The following SKAP1 variants were observed in gnomAD, a reference collection of about 807,000 sequenced individuals.
SKAP1 encodes the protein src kinase-associated phosphoprotein 1.
SKAP1 carries 44 observed loss-of-function variants against 58.5 expected under a neutral mutation model. The observed-to-expected ratio is 0.75, with a 90% CI of 0.59 to 0.97. The LOEUF (loss-of-function observed/expected upper bound fraction) is 0.97. Ranked by LOEUF, SKAP1 falls within the 50% of genes least tolerant of loss-of-function variation. SKAP1 has a pLI of 0.00. For missense variants in SKAP1, 390 were observed against 435.2 expected (o/e 0.90, Z 0.92); for synonymous variants, 127 against 149.7 (o/e 0.85, Z 1.11).
chr17:48,322,458 T>C (rs1160567392), intron 4 of SKAP1, among the ~76,000 whole-genome samples: 1 of 152,200 alleles, frequency 6.6e-6, no homozygotes, highest in Non-Finnish European at 1.5e-5. Context: ...ACTCAAGGTA[T>C]AACGGAAAGA....
At chr17:48,415,923 C>T (rs189325406) in intron 1 of SKAP1, among the ~76,000 whole-genome samples, 4 of 152,276 alleles carry the variant, frequency 2.6e-5, no homozygotes, top group African/African-American at 7.2e-5. Flanking sequence ...GGGAGATATT[C>T]AGCAGAGAAG....
chr17:48,188,856 T>G (rs1261644040), intron 5 of SKAP1, among the ~76,000 whole-genome samples: 1 of 152,012 alleles, frequency 6.6e-6, no homozygotes, highest in Non-Finnish European at 1.5e-5. Context: ...AAAAATTAGC[T>G]GGGCATGGTG....
At chr17:48,227,507 A>G (rs1186860332) in intron 4 of SKAP1, among the ~76,000 whole-genome samples, 1 of 152,226 alleles carries the variant, frequency 6.6e-6, no homozygotes, top group Non-Finnish European at 1.5e-5. Flanking sequence ...TTTATGCATC[A>G]TCATAGCCAC....
chr17:48,284,175 G>A (rs2065801946), intron 4 of SKAP1, among the ~76,000 whole-genome samples: 1 of 152,078 alleles, frequency 6.6e-6, no homozygotes, highest in Non-Finnish European at 1.5e-5. Context: ...TCCATTTATG[G>A]CAAACATTTG....
intron 4 of SKAP1, among the ~76,000 whole-genome samples, chr17:48,201,692 C>T (rs958038419): frequency 1.9e-4 from 29 of 152,146 alleles, no homozygotes; most frequent in African/African-American, 5.6e-4. Context: ...TGAACTACCA[C>T]GCCTGGCCAA....
intron 9 of SKAP1, among the ~76,000 whole-genome samples, chr17:48,179,461 A>G (rs2064338124): frequency 6.6e-6 from 1 of 152,202 alleles, no homozygotes. Flanking sequence ...AAGAAAGGAA[A>G]TATATTGAGT....
At chr17:48,209,177 A>T (rs895220869) in intron 4 of SKAP1, among the ~76,000 whole-genome samples, 26 of 152,220 alleles carry the variant, frequency 1.7e-4, no homozygotes, top group African/African-American at 6.3e-4. Context: ...GTCTGTCTAC[A>T]TCTCAGTCTT....
At chr17:48,135,349 A>G (rs2063685325) in intron 12 of SKAP1, among the ~76,000 whole-genome samples, 1 of 152,194 alleles carries the variant, frequency 6.6e-6, no homozygotes, top group African/African-American at 2.4e-5. Flanking sequence ...GGGGCCCTCC[A>G]TCAGAATCTT....
intron 4 of SKAP1, among the ~76,000 whole-genome samples, chr17:48,283,685 GC>G (rs1288189642): frequency 6.6e-6 from 1 of 152,188 alleles, no homozygotes; most frequent in African/African-American, 2.4e-5. Flanking sequence ...TCTGAAGTGA[GC>G]GACGGCTGGA....
chr17:48,228,932 G>A (rs747981948), intron 4 of SKAP1, among the ~76,000 whole-genome samples: 2 of 152,126 alleles, frequency 1.3e-5, no homozygotes, highest in Non-Finnish European at 2.9e-5. Context: ...ACAGGCAGGT[G>A]GGGTAAGAGC....
At chr17:48,415,163 CCAAT>C (rs997461506) in intron 1 of SKAP1, among the ~76,000 whole-genome samples, 5 of 152,164 alleles carry the variant, frequency 3.3e-5, no homozygotes, top group African/African-American at 4.8e-5. Context: ...CGACCAAATA[CCAAT>C]CAAAGTGTTC....
intron 4 of SKAP1, among the ~76,000 whole-genome samples, chr17:48,291,802 G>A (rs2065900957): frequency 6.6e-6 from 1 of 152,166 alleles, no homozygotes; most frequent in Admixed American, 6.5e-5. Context: ...TTATTTATGT[G>A]AATGTCACTG....
intron 4 of SKAP1, among the ~76,000 whole-genome samples, chr17:48,286,830 G>A (rs1481570765): frequency 6.6e-6 from 1 of 152,140 alleles, no homozygotes; most frequent in African/African-American, 2.4e-5. Flanking sequence ...TGGGCGCGGT[G>A]GCTCATGCCT....
chr17:48,347,723 G>A (rs1164451668), intron 3 of SKAP1, among the ~76,000 whole-genome samples: 1 of 152,154 alleles, frequency 6.6e-6, no homozygotes, highest in South Asian at 2.1e-4. Context: ...GCATCACTGT[G>A]TAATTTCCAT....
intron 6 of SKAP1, 38 bp downstream of exon 6, chr17:48,187,805 A>T: frequency 7.1e-7 from 1 of 1,417,406 alleles, no homozygotes; most frequent in Non-Finnish European, 1.0e-6. Context: ...GTTTGCATCC[A>T]GGAGTGAGAT....
At chr17:48,229,249 A>G (rs1466128630) in intron 4 of SKAP1, among the ~76,000 whole-genome samples, 1 of 152,186 alleles carries the variant, frequency 6.6e-6, no homozygotes, top group Non-Finnish European at 1.5e-5. Context: ...ACTTGGAAAT[A>G]AAGCAAGAGA....
At chr17:48,401,778 AT>A (rs534379627) in intron 1 of SKAP1, among the ~76,000 whole-genome samples, 198 of 152,350 alleles carry the variant, frequency 1.3e-3, no homozygotes, top group Non-Finnish European at 2.5e-3. Flanking sequence ...CAAACAAGGC[AT>A]CATCAAATTT....
intron 4 of SKAP1, among the ~76,000 whole-genome samples, chr17:48,297,332 C>G (rs755876375): frequency 5.9e-5 from 9 of 152,002 alleles, no homozygotes; most frequent in African/African-American, 2.2e-4. Flanking sequence ...TTTGTAGATA[C>G]GGGTAAATAT....
chr17:48,189,237 G>C (rs1355374429), intron 5 of SKAP1, among the ~76,000 whole-genome samples, 186 bp downstream of exon 5: 2 of 152,124 alleles, frequency 1.3e-5, no homozygotes, highest in Non-Finnish European at 2.9e-5. Flanking sequence ...TCTGCTCAAG[G>C]CTGGGACATC....
Sources: allele counts gnomAD v4.1 joint callset (sites outside exome capture counted in the v4.1 genomes callset), GRCh38; gene constraint gnomAD v4.1.1; transcripts MANE v1.5; gene names NCBI Gene and HGNC (gene_info 2026-07-23, HGNC 2026-07-21).